The following DNAH9 variants were observed in gnomAD, a reference collection of about 807,000 sequenced individuals.
The protein encoded by DNAH9 is dynein axonemal heavy chain 9.
DNAH9 carries 345 observed loss-of-function variants against 471.6 expected under a neutral mutation model. The ratio of observed to expected loss-of-function variants is 0.73; its 90% CI spans 0.67 to 0.80. DNAH9 has a LOEUF of 0.80. Ranked by LOEUF, DNAH9 falls within the 30% of genes least tolerant of loss-of-function variation. The probability of loss-of-function intolerance (pLI) is 0.00; values close to 1 mark genes in which losing one functional copy is unlikely to be tolerated. For missense variants in DNAH9, 5,407 were observed against 5,609.2 expected, an observed-to-expected ratio of 0.96 and a Z score of 1.15; for synonymous variants, 2,093 against 2,123.6, an observed-to-expected ratio of 0.99 and a Z score of 0.40.
At chr17:11,799,095 G>T (rs2150914897) in intron 43 of DNAH9, among the ~76,000 whole-genome samples, 1 of 152,118 alleles carries the variant, frequency 6.6e-6, no homozygotes, top group African/African-American at 2.4e-5. Flanking sequence ...AATCCTTTCT[G>T]TTCCTTGGCT....
At chr17:11,795,215 C>T (rs1051631106) in intron 42 of DNAH9, among the ~76,000 whole-genome samples, 2 of 151,946 alleles carry the variant, frequency 1.3e-5, no homozygotes, top group Non-Finnish European at 2.9e-5. Flanking sequence ...AATGAATGGC[C>T]CATGGATTAT....
At chr17:11,611,572 G>T in intron 3 of DNAH9, 78 bp from the exon 4 acceptor site, 8 of 1,428,688 alleles carry the variant, frequency 5.6e-6, no homozygotes, top group Non-Finnish European at 6.8e-6. Context: ...CTCTCTTTCT[G>T]TGTGACGATG....
chr17:11,689,449 A>G, intron 19 of DNAH9, 117 bp from the exon 20 acceptor site: 1 of 843,170 alleles, frequency 1.2e-6, no homozygotes, highest in African/African-American at 1.7e-5. Context: ...GGTGAAAGCC[A>G]CTGCTCTTTC....
At chr17:11,617,379 T>A (rs1347926166) in intron 4 of DNAH9, 32 bp from the exon 5 acceptor site, 1 of 1,541,970 alleles carries the variant, frequency 6.5e-7, no homozygotes, top group Admixed American at 1.7e-5. Flanking sequence ...AGGCTCCAGA[T>A]GGGAATGCTG....
intron 49 of DNAH9, among the ~76,000 whole-genome samples, chr17:11,839,442 G>A (rs1053649912): frequency 2.0e-5 from 3 of 151,992 alleles, no homozygotes; most frequent in Non-Finnish European, 4.4e-5. Flanking sequence ...CATGAACCCC[G>A]GAGGCGGAGC....
intron 32 of DNAH9, among the ~76,000 whole-genome samples, chr17:11,749,064 GT>G (rs1264153992): frequency 9.8e-4 from 25 of 25,426 alleles, no homozygotes; most frequent in African/African-American, 2.1e-3. Context: ...TTTTAAGAGG[GT>G]TTTTTTTTGT....
intron 67 of DNAH9, among the ~76,000 whole-genome samples, chr17:11,961,213 A>G (rs180984532): frequency 0.011 from 1,626 of 150,836 alleles, 32 homozygotes; most frequent in African/African-American, 0.038. Context: ...TACTCAAGAG[A>G]CTGAGGCAGA....
rs141250716 is a variant in DNAH9 at position 11,669,603 on chromosome 17, C to G, written c.3162C>G (p.Leu1054=). The G allele has an allele frequency of 1.7e-5, 27 of 1,614,054 alleles. No individual in the cohort carries two copies. The African/African-American group carries it at 3.2e-4, about 19-fold the overall frequency. The change falls in exon 17 of 69, where the codon CTC becomes CTG. Residue 1054 remains leucine, a synonymous_variant. Coordinates refer to ENST00000262442, the MANE Select transcript of DNAH9 (RefSeq NM_001372.4). ...VEDGIPENPP[L]LSQFKVQIDS... is the part of the protein sequence containing the mutation. The stretch of plus-strand genomic sequence containing the variant: ...ATGGCATCCCAGAGAACCCTCCCCT[C>G]CTTTCTCAGTTTAAAGTGCAAATCG...
intron 38 of DNAH9, among the ~76,000 whole-genome samples, chr17:11,770,974 C>A (rs149858313): frequency 3.3e-5 from 5 of 152,100 alleles, no homozygotes; most frequent in African/African-American, 1.2e-4. Flanking sequence ...CAGTAGCACA[C>A]CATTATAAAC....
intron 30 of DNAH9, 65 bp from the exon 31 acceptor site, chr17:11,744,732 G>T: frequency 1.4e-6 from 2 of 1,397,848 alleles, no homozygotes; most frequent in Non-Finnish European, 2.0e-6. Flanking sequence ...CTATGATTCT[G>T]CAGACACTCA....
At chr17:11,830,438 A>G (rs1970647028) in intron 48 of DNAH9, among the ~76,000 whole-genome samples, 1 of 152,240 alleles carries the variant, frequency 6.6e-6, no homozygotes, top group Admixed American at 6.5e-5. Context: ...AATTCAGTTT[A>G]TCTTGGGGTT....
rs765233331 is a variant in DNAH9, at chr17:11,781,128, G to A, written c.7672G>A (p.Val2558Met). Residue 2558 changes from valine (V) to methionine (M), a missense_variant, in exon 39 of 69, where the codon GTG becomes ATG. Physicochemically the swap from Val to Met is conservative, Grantham distance 21. This residue lies in a region of DNAH9 where 4,636 missense variants were observed against 4,900.3 expected (regional missense o/e 0.95). Transcript: ENST00000262442. ...NMPEVDAYGTVQPHTIIRQHL... is the reference protein window; with the variant it reads ...NMPEVDAYGTMQPHTIIRQHL... ...GCCTGAGGTGGATGCCTACGGGACG[G>A]TGCAGCCCCACACCATCATCCGGCA... The A allele has an allele frequency of 3.1e-6, 5 of 1,614,196 alleles. No individual in the cohort carries two copies. The South Asian group carries it at 4.4e-5, about 14-fold the overall frequency.
rs530613694 is a variant in DNAH9 at position 11,680,967 on chromosome 17, T to C, written c.3743+78T>C. On this transcript the variant is annotated intron_variant, in intron 19 of 68. Transcript: ENST00000262442. ...TCATGGATAATCTTTTTGTGGGGCG[T>C]GTGTATTCTTCCAGCAGCTGCAGAC... is the stretch of plus-strand genomic sequence containing the variant. 5.0e-5 allele frequency: 66 copies of C among 1,332,422 alleles called. No individual in the cohort carries two copies. The South Asian group carries it at 8.8e-4, about 18-fold the overall frequency. The allele number at this position is 1,332,422 out of a possible 1,614,324, so 82.5% of individuals were successfully genotyped here.
At chr17:11,900,037 A>G (rs955266955) in intron 59 of DNAH9, among the ~76,000 whole-genome samples, 4 of 151,904 alleles carry the variant, frequency 2.6e-5, no homozygotes, top group African/African-American at 9.7e-5. Context: ...CCTTCAAAGC[A>G]TTTGTATCTA....
chr17:11,964,046 G>A (rs918113438), intron 68 of DNAH9, among the ~76,000 whole-genome samples: 10 of 152,180 alleles, frequency 6.6e-5, no homozygotes, highest in African/African-American at 2.4e-4. Flanking sequence ...CTGGCCTCCA[G>A]AACTGTGAGA....
At chr17:11,852,460 T>C (rs958226175) in intron 49 of DNAH9, among the ~76,000 whole-genome samples, 4 of 152,086 alleles carry the variant, frequency 2.6e-5, no homozygotes, top group African/African-American at 9.7e-5. Flanking sequence ...TTGTTTATAT[T>C]GGCGGATCCC....
At chr17:11,632,532 G>A in intron 7 of DNAH9, 55 bp from the exon 8 acceptor site, 1 of 828,314 alleles carries the variant, frequency 1.2e-6, no homozygotes, top group East Asian at 2.4e-5. Context: ...GGAGCATAGT[G>A]GGGTTGGCTT....
intron 32 of DNAH9, among the ~76,000 whole-genome samples, chr17:11,752,539 C>A (rs1967201957): frequency 6.6e-6 from 1 of 152,114 alleles, no homozygotes; most frequent in Non-Finnish European, 1.5e-5. Flanking sequence ...TGGTGGCACG[C>A]ATCTCTAGTC....
At chr17:11,969,129 C>T (rs1000512529) in intron 68 of DNAH9, among the ~76,000 whole-genome samples, 171 bp from the exon 69 acceptor site, 2 of 152,160 alleles carry the variant, frequency 1.3e-5, no homozygotes, top group Non-Finnish European at 2.9e-5. Flanking sequence ...CGTGTTTCTA[C>T]ATATCAGATG....
Sources: gnomAD v4.1 joint callset for allele counts (sites outside exome capture counted in the v4.1 genomes callset) on GRCh38, gnomAD v4.1.1 for gene constraint, gnomAD v4.1.1 regional missense constraint, MANE v1.5 for transcripts, NCBI Gene and HGNC (gene_info 2026-07-23, HGNC 2026-07-21) for gene names.